ADAMTS6: variants seen among roughly 807,000 people sequenced by gnomAD.
ADAMTS6 encodes the protein ADAM metallopeptidase with thrombospondin type 1 motif 6.
In ADAMTS6, 23 loss-of-function variants were observed where a neutral mutation model predicts 144.3. The observed-to-expected ratio is 0.16, with a 90% CI of 0.11 to 0.23. The LOEUF (loss-of-function observed/expected upper bound fraction) is 0.23, where lower values mean the gene tolerates loss of function less well. Ranked by LOEUF, ADAMTS6 falls within the 10% of genes least tolerant of loss-of-function variation. The probability of loss-of-function intolerance (pLI) is 1.00; values close to 1 mark genes in which losing one functional copy is unlikely to be tolerated. For missense variants in ADAMTS6, 999 were observed against 1,379.6 expected (o/e 0.72, Z 4.37); for synonymous variants, 444 against 457.5 (o/e 0.97, Z 0.38).
chr5:65,175,484 C>T (rs952798395), intron 22 of ADAMTS6, among the ~76,000 whole-genome samples: 3 of 152,116 alleles, frequency 2.0e-5, no homozygotes, highest in African/African-American at 7.2e-5. Flanking sequence ...CTCCGTAACC[C>T]TGTAACACTC....
At chr5:65,339,965 C>A (rs932340577) in intron 7 of ADAMTS6, among the ~76,000 whole-genome samples, 6 of 152,044 alleles carry the variant, frequency 3.9e-5, no homozygotes, top group Non-Finnish European at 7.4e-5. Flanking sequence ...TAACAGAAAA[C>A]TTCCAAAGAC....
chr5:65,312,303 G>T (rs1023956955), intron 9 of ADAMTS6, among the ~76,000 whole-genome samples: 1 of 151,834 alleles, frequency 6.6e-6, no homozygotes, highest in South Asian at 2.1e-4. Context: ...GGGAATAAAA[G>T]GACATTCTTA....
At chr5:65,469,908 T>C (rs538844325) in intron 3 of ADAMTS6, among the ~76,000 whole-genome samples, 2 of 152,344 alleles carry the variant, frequency 1.3e-5, no homozygotes, top group East Asian at 3.9e-4. Context: ...ACAGCTTTAA[T>C]GGAACAGCTA....
chr5:65,335,731 T>C (rs1747241691), intron 7 of ADAMTS6, among the ~76,000 whole-genome samples: 1 of 152,072 alleles, frequency 6.6e-6, no homozygotes, highest in South Asian at 2.1e-4. Flanking sequence ...AGAAAAATGT[T>C]GAAAAAAGAT....
At chr5:65,264,578 T>TA (rs1761461473) in intron 12 of ADAMTS6, among the ~76,000 whole-genome samples, 1 of 152,126 alleles carries the variant, frequency 6.6e-6, no homozygotes, top group African/African-American at 2.4e-5. Flanking sequence ...AGTTCCCTCT[T>TA]ACCACTTACC....
intron 14 of ADAMTS6, among the ~76,000 whole-genome samples, chr5:65,256,982 T>C (rs1466168450): frequency 5.5e-5 from 7 of 127,546 alleles, no homozygotes; most frequent in Non-Finnish European, 8.0e-5. Flanking sequence ...TCTCTCTCTC[T>C]CTCTTTTTTT....
At chr5:65,186,831 A>G (rs1754703441) in intron 22 of ADAMTS6, among the ~76,000 whole-genome samples, 2 of 152,164 alleles carry the variant, frequency 1.3e-5, no homozygotes, top group Non-Finnish European at 2.9e-5. Context: ...AACACTCCCA[A>G]TTCCTGCCAA....
intron 12 of ADAMTS6, among the ~76,000 whole-genome samples, chr5:65,268,033 T>C (rs1761757703): frequency 6.6e-6 from 1 of 152,202 alleles, no homozygotes; most frequent in African/African-American, 2.4e-5. Flanking sequence ...CTTCCTGTGT[T>C]TATAGTTTGG....
intron 21 of ADAMTS6, among the ~76,000 whole-genome samples, chr5:65,192,878 C>T (rs1023591967): frequency 1.3e-5 from 2 of 151,792 alleles, no homozygotes; most frequent in Non-Finnish European, 2.9e-5. Flanking sequence ...CCTAGTCCTC[C>T]GTCATTTTCT....
At chr5:65,409,732 G>A (rs1188831201) in intron 7 of ADAMTS6, among the ~76,000 whole-genome samples, 7 of 152,098 alleles carry the variant, frequency 4.6e-5, no homozygotes, top group East Asian at 1.9e-4. Flanking sequence ...GATGAACATC[G>A]ATGCAAAAAT....
chr5:65,458,507 G>A (rs930607369), intron 4 of ADAMTS6, among the ~76,000 whole-genome samples: 2 of 152,168 alleles, frequency 1.3e-5, no homozygotes, highest in African/African-American at 4.8e-5. Flanking sequence ...CACCTCCCGG[G>A]TTTAAGCGAT....
intron 9 of ADAMTS6, among the ~76,000 whole-genome samples, chr5:65,319,275 C>CA (rs1018927816): frequency 5.3e-5 from 8 of 151,884 alleles, no homozygotes; most frequent in African/African-American, 1.9e-4. Context: ...AAGAGATGTC[C>CA]AAAATCAATG....
chr5:65,398,812 GAAAGAA>G (rs1561501594), intron 7 of ADAMTS6, among the ~76,000 whole-genome samples: 12 of 114,152 alleles, frequency 1.1e-4, no homozygotes, highest in African/African-American at 4.8e-4. Context: ...AAGAAAGAAA[GAAAGAA>G]AGAAAGAAAG....
intron 17 of ADAMTS6, 133 bp downstream of exon 17, chr5:65,224,791 T>A: frequency 9.3e-7 from 1 of 1,077,538 alleles, no homozygotes; most frequent in Non-Finnish European, 1.3e-6. Context: ...CTAAAATGAC[T>A]GAAAGCAATT....
intron 7 of ADAMTS6, among the ~76,000 whole-genome samples, chr5:65,350,974 C>T (rs1642115917): frequency 6.6e-6 from 1 of 152,126 alleles, no homozygotes; most frequent in Non-Finnish European, 1.5e-5. Flanking sequence ...GTCAGTTACT[C>T]ATCCTCTGGA....
intron 3 of ADAMTS6, among the ~76,000 whole-genome samples, chr5:65,469,412 CATAA>C (rs1254973797): frequency 1.3e-5 from 2 of 152,272 alleles, no homozygotes; most frequent in Non-Finnish European, 2.9e-5. Context: ...TAATGCCAAA[CATAA>C]ATAACCTAGT....
chr5:65,250,548 G>T (rs1760067172), intron 14 of ADAMTS6, among the ~76,000 whole-genome samples: 1 of 152,130 alleles, frequency 6.6e-6, no homozygotes, highest in African/African-American at 2.4e-5. Context: ...TTAAATCTTA[G>T]AACAGACCAC....
chr5:65,440,967 C>A (rs1317828698), intron 7 of ADAMTS6, among the ~76,000 whole-genome samples: 1 of 152,110 alleles, frequency 6.6e-6, no homozygotes, highest in Non-Finnish European at 1.5e-5. Context: ...TAAAATAACA[C>A]AATGTCAGGC....
At chr5:65,222,227 G>A (rs1161521200) in intron 18 of ADAMTS6, among the ~76,000 whole-genome samples, 2 of 152,138 alleles carry the variant, frequency 1.3e-5, no homozygotes, top group African/African-American at 4.8e-5. Flanking sequence ...CCGCTGGGAA[G>A]CTCGATTACT....
Sources: allele counts gnomAD v4.1 joint callset (sites outside exome capture counted in the v4.1 genomes callset), GRCh38; gene constraint gnomAD v4.1.1; transcripts MANE v1.5; gene names NCBI Gene and HGNC (gene_info 2026-07-23, HGNC 2026-07-21).